MYBPC2: variants seen among roughly 807,000 people sequenced by gnomAD.
MYBPC2 encodes myosin binding protein C2, also known as myosin-binding protein C, fast-type.
MYBPC2 carries 122 observed loss-of-function variants against 137.0 expected under a neutral mutation model. That is an observed-to-expected ratio of 0.89 (90% CI 0.77 to 1.03). The LOEUF (loss-of-function observed/expected upper bound fraction) is 1.03. MYBPC2 is among the 50% of genes least tolerant of loss of function. The probability of loss-of-function intolerance (pLI) is 0.00; values close to 1 mark genes in which losing one functional copy is unlikely to be tolerated. For synonymous variants in MYBPC2, 626 were observed against 612.3 expected, an observed-to-expected ratio of 1.02 and a Z score of -0.33; for missense variants, 1,500 against 1,534.4, an observed-to-expected ratio of 0.98 and a Z score of 0.37.
chr19:50,442,304 C>T lies in MYBPC2; in HGVS notation c.893C>T (p.Pro298Leu), dbSNP rs2039763426. Residue 298 changes from proline (P) to leucine (L), a missense_variant, in exon 9 of 28, where the codon CCA (proline) becomes CTA (leucine). By Grantham distance (98) the Pro-to-Leu change is moderately conservative. Transcript: ENST00000357701. ...TTCAAGAACGGCCAGGAGATCAAACCAAGCAGCAAGTATGTGTGGGGTGGG... is the reference window on the plus strand; with the variant it reads ...TTCAAGAACGGCCAGGAGATCAAACTAAGCAGCAAGTATGTGTGGGGTGGG... Reference protein sequence around the residue: ...KWFKNGQEIKPSSKYVFENVG... With the variant: ...KWFKNGQEIKLSSKYVFENVG... 3 of 1,608,760 alleles carry T rather than the reference C, an allele frequency of 1.9e-6. No individual in the cohort carries two copies. The highest frequency in any genetic ancestry group is 1.1e-5 in the South Asian group (1 of 89,750).
intron 5 of MYBPC2, 59 bp from the exon 6 acceptor site, chr19:50,437,414 A>G: frequency 6.5e-7 from 1 of 1,533,060 alleles, no homozygotes; most frequent in East Asian, 2.3e-5. Flanking sequence ...AGGGGCTCTC[A>G]GTCTAAGATC....
At chr19:50,439,971 A>G (rs2039736333) in intron 7 of MYBPC2, among the ~76,000 whole-genome samples, 1 of 152,084 alleles carries the variant, frequency 6.6e-6, no homozygotes, top group Admixed American at 6.6e-5. Flanking sequence ...GAAGGTAGGG[A>G]AACATTTTGT....
intron 10 of MYBPC2, 44 bp from the exon 11 acceptor site, chr19:50,443,667 A>AG (rs778862941): frequency 7.4e-6 from 12 of 1,611,120 alleles, no homozygotes; most frequent in Non-Finnish European, 9.3e-6. Flanking sequence ...GGAACTCTGG[A>AG]GGGGGTCCTG....
chr19:50,461,879 G>C, intron 25 of MYBPC2, 21 bp from the exon 26 acceptor site: 1 of 1,590,698 alleles, frequency 6.3e-7, no homozygotes, highest in Non-Finnish European at 8.6e-7. Flanking sequence ...GTCGCCTTAC[G>C]GGTGCATCCT....
intron 9 of MYBPC2, among the ~76,000 whole-genome samples, chr19:50,443,211 C>A (rs1213862819): frequency 6.6e-6 from 1 of 152,118 alleles, no homozygotes; most frequent in Non-Finnish European, 1.5e-5. Context: ...GTGATCCTAG[C>A]TACTCAGGGG....
At position 50,465,265 on chromosome 19, in the gene MYBPC2, C is replaced by A. The variant is rs113532275; in HGVS notation, c.3415+733C>A. 1.1e-3 allele frequency among the ~76,000 whole-genome samples: 162 copies of A among 152,314 alleles called. No individual in the cohort carries two copies. Among genetic ancestry groups the A allele is most frequent in the African/African-American group, 3.8e-3 (156 of 41,570 alleles). On this transcript the variant is annotated intron_variant, in intron 27 of 27. Transcript: ENST00000357701. The surrounding 1 kb of genome is among the most constrained non-coding windows in gnomAD (Gnocchi z 4.5). ...TGTCCCAGCCACACCGGGCTGTTGG[C>A]AGTTACACTGGCCAGGCTTTCCTGC...
chr19:50,441,091 G>C lies in MYBPC2; in HGVS notation c.769+15G>C, dbSNP rs180819259. 10 of 1,566,098 alleles carry C rather than the reference G, an allele frequency of 6.4e-6. No homozygotes were observed. Among genetic ancestry groups the C allele is most frequent in the African/African-American group, 2.7e-5 (2 of 73,478 alleles). ...GAAGAGTGCAGGTCAGCCCTGGTCT[G>C]GGGGGAGCTGGGCCCTGCACACAAG... On this transcript the variant is annotated intron_variant, in intron 8 of 27. Coordinates refer to ENST00000357701, the MANE Select transcript of MYBPC2 (RefSeq NM_004533.4).
chr19:50,443,671 G>C, intron 10 of MYBPC2, 40 bp from the exon 11 acceptor site: 2 of 1,610,982 alleles, frequency 1.2e-6, no homozygotes, highest in Non-Finnish European at 1.7e-6. Context: ...CTCTGGAGGG[G>C]GTCCTGAAAC....
Position 50,466,053 on chromosome 19 carries a change from C to G in MYBPC2, c.3416-142C>G. On this transcript the variant is annotated intron_variant, in intron 27 of 27. Transcript: ENST00000357701. This position sits in a 1 kb window ranked among gnomAD's most constrained non-coding sequence, Gnocchi z 4.9. ...AGGAGCACTGTGACTCTGGGTTGTC[C>G]AGCCACAGTGGCCTAGGATGGGGCG... is the stretch of plus-strand genomic sequence containing the variant. The G allele has an allele frequency of 8.5e-7, 1 of 1,171,676 alleles. No individual in the cohort carries two copies. Among genetic ancestry groups the G allele is most frequent in the South Asian group, 1.4e-5 (1 of 71,786 alleles). 72.6% of individuals were successfully genotyped at this position (1,171,676 alleles called of 1,614,324 possible).
Position 50,464,396 on chromosome 19 carries a change from GT to G in MYBPC2, c.3281del (p.Phe1094SerfsTer2), listed in dbSNP as rs761397569. On this transcript the variant is annotated frameshift_variant, in exon 27 of 28. Coordinates refer to ENST00000357701, the MANE Select transcript of MYBPC2 (RefSeq NM_004533.4). LOFTEE classifies it high-confidence loss of function. ...NKMEIREDPK[F>X]LITNYQGVLT... ...AGATGGAAATCCGTGAAGATCCCAA[GT>G]TCCTGATAACCAATTACCAAGGAGT... 1 of 1,611,118 alleles carries G rather than the reference GT, an allele frequency of 6.2e-7. No homozygotes were observed. Among genetic ancestry groups the G allele is most frequent in the African/African-American group, 1.3e-5 (1 of 74,900 alleles).
intron 7 of MYBPC2, among the ~76,000 whole-genome samples, chr19:50,438,974 A>T (rs576635137): frequency 1.9e-4 from 29 of 152,020 alleles, no homozygotes; most frequent in Non-Finnish European, 3.5e-4. Context: ...ATCCCTGACA[A>T]TTCCATTTAC....
chr19:50,458,692 A>G lies in MYBPC2; in HGVS notation c.2444A>G (p.Asn815Ser), dbSNP rs1203459010. The change falls in exon 21 of 28, where the codon AAC becomes AGC. Residue 815 changes from asparagine to serine, a missense_variant. Physicochemically the swap from Asn to Ser is conservative, Grantham distance 46 (BLOSUM62 1). Transcript: ENST00000357701. Reference protein sequence around the residue: ...ARILFRVVGVNIAGRSEPATL... With the variant: ...ARILFRVVGVSIAGRSEPATL... ...ATCCTCTTCCGAGTAGTTGGGGTCA[A>G]CATCGCGGGGCGCAGCGAGCCGGCC... 1 of 1,611,524 alleles carries G rather than the reference A, an allele frequency of 6.2e-7. No individual in the cohort carries two copies. The highest frequency in any genetic ancestry group is 2.2e-5 in the East Asian group (1 of 44,882).
chr19:50,451,772 T>C (rs2039860759), intron 15 of MYBPC2, 92 bp from the exon 16 acceptor site: 16 of 1,525,980 alleles, frequency 1.0e-5, no homozygotes, highest in Non-Finnish European at 1.3e-5. Flanking sequence ...TCTGTCACTG[T>C]TGGAACCCAA....
chr19:50,446,242 G>A (rs2039804715), intron 12 of MYBPC2, among the ~76,000 whole-genome samples, 190 bp downstream of exon 12: 1 of 152,228 alleles, frequency 6.6e-6, no homozygotes, highest in Non-Finnish European at 1.5e-5. Context: ...CAAGCGTGGT[G>A]GCTCACGCCT....
At chr19:50,456,218 T>C (rs1469597330) in intron 20 of MYBPC2, among the ~76,000 whole-genome samples, 1 of 139,512 alleles carries the variant, frequency 7.2e-6, no homozygotes, top group African/African-American at 2.7e-5. Context: ...CCCATCCATA[T>C]TTCCATCTAT....
chr19:50,456,604 T>C (rs1386067783), intron 20 of MYBPC2, among the ~76,000 whole-genome samples: 1 of 151,926 alleles, frequency 6.6e-6, no homozygotes, highest in Non-Finnish European at 1.5e-5. Flanking sequence ...CTAATTTTTT[T>C]TTTTTGTATT....
chr19:50,451,724 C>T, intron 15 of MYBPC2, 140 bp from the exon 16 acceptor site: 1 of 1,276,692 alleles, frequency 7.8e-7, no homozygotes. Flanking sequence ...ACTACTGGGT[C>T]TGAGGGAGGA....
intron 4 of MYBPC2, 27 bp from the exon 5 acceptor site, chr19:50,436,590 C>A (rs761878062): frequency 6.3e-7 from 1 of 1,598,088 alleles, no homozygotes; most frequent in South Asian, 1.1e-5. Context: ...TGGTCCCGTG[C>A]ACCCACACCC....
chr19:50,444,290 T>TCATCCATCCATC lies in MYBPC2; in HGVS notation c.1133+512_1133+523dup, dbSNP rs66680495. Among the ~76,000 whole-genome samples, 389 of 117,892 alleles carry TCATCCATCCATC rather than the reference T, an allele frequency of 3.3e-3. 2 individuals carry two copies. Among genetic ancestry groups the TCATCCATCCATC allele is most frequent in the African/African-American group, 0.01 (370 of 36,616 alleles). The allele number at this position is 117,892 out of a possible 152,430, so 77.3% of individuals were successfully genotyped here. On this transcript the variant is annotated intron_variant, in intron 11 of 27. Coordinates refer to ENST00000357701, the MANE Select transcript of MYBPC2 (RefSeq NM_004533.4). ...TCTACTTAACCATCTGTCCATCCAT[T>TCATCCATCCATC]CATCCATCCATCCATCCATCCATCC...
Sources: allele counts gnomAD v4.1 joint callset (sites outside exome capture counted in the v4.1 genomes callset), GRCh38; gene constraint gnomAD v4.1.1; non-coding constraint Gnocchi (gnomAD v3.1); transcripts MANE v1.5; gene names NCBI Gene and HGNC (gene_info 2026-07-23, HGNC 2026-07-21).